ZNF652: variants seen among roughly 807,000 people sequenced by gnomAD.
ZNF652 encodes the protein zinc finger protein 652.
In ZNF652, 16 loss-of-function variants were observed where a neutral mutation model predicts 45.2. The ratio of observed to expected loss-of-function variants is 0.35; its 90% confidence interval spans 0.24 to 0.54. The LOEUF is 0.54. ZNF652 is among the 20% of genes least tolerant of loss of function. The pLI, the probability that ZNF652 is intolerant of heterozygous loss-of-function variation, is 0.91. For synonymous variants in ZNF652, 250 were observed against 260.6 expected, an observed-to-expected ratio of 0.96 and a Z score of 0.39; for missense variants, 614 against 765.6, an observed-to-expected ratio of 0.80 and a Z score of 2.34.
Position 49,294,386 on chromosome 17 carries a change from G to A in ZNF652, c.*4027C>T, listed in dbSNP as rs1474688599. Among the ~76,000 whole-genome samples, 4 of 152,150 alleles carry A rather than the reference G, an allele frequency of 2.6e-5. No individual in the cohort carries two copies. The highest frequency in any genetic ancestry group is 5.9e-5 in the Non-Finnish European group (4 of 68,026). On this transcript the variant is annotated 3_prime_UTR_variant, in exon 6 of 6. Coordinates refer to ENST00000430262, the MANE Select transcript of ZNF652 (RefSeq NM_001145365.3). ...TAAATGGTAGACTATGAAAGTACAG[G>A]TAACTGATTTGCACAGTCTTCTTTG...
intron 1 of ZNF652, among the ~76,000 whole-genome samples, chr17:49,341,231 GAAGAA>G (rs377670931): frequency 7.3e-5 from 11 of 150,922 alleles, no homozygotes; most frequent in African/African-American, 2.4e-4. Flanking sequence ...GAAAAGAAAA[GAAGAA>G]AAGAAAAGAA....
intron 1 of ZNF652, among the ~76,000 whole-genome samples, chr17:49,360,721 C>G (rs533429178): frequency 6.6e-6 from 1 of 152,092 alleles, no homozygotes; most frequent in Admixed American, 6.5e-5. Context: ...TTGCCATTCC[C>G]AGAACAATAC....
chr17:49,325,970 T>G (rs371815900), intron 1 of ZNF652, among the ~76,000 whole-genome samples: 75 of 152,264 alleles, frequency 4.9e-4, no homozygotes, highest in African/African-American at 1.6e-3. Flanking sequence ...TCAACTCTAT[T>G]TTTCCCATAA....
At chr17:49,342,545 A>G (rs1293551186) in intron 1 of ZNF652, among the ~76,000 whole-genome samples, 1 of 44,470 alleles carries the variant, frequency 2.2e-5, no homozygotes, top group East Asian at 7.1e-4. Context: ...AATGCCAGAT[A>G]ACAGATAAAG....
intron 5 of ZNF652, among the ~76,000 whole-genome samples, chr17:49,304,300 T>G (rs939834565): frequency 6.6e-6 from 1 of 151,734 alleles, no homozygotes; most frequent in African/African-American, 2.4e-5. Context: ...TTAAAATTGG[T>G]TTTTTTTACT....
intron 1 of ZNF652, among the ~76,000 whole-genome samples, chr17:49,328,451 A>C (rs2069989917): frequency 6.6e-6 from 1 of 152,144 alleles, no homozygotes; most frequent in Non-Finnish European, 1.5e-5. Context: ...TTCATGTTGA[A>C]ATGTAATCCT....
chr17:49,292,602 C>T lies in ZNF652; in HGVS notation c.*5811G>A, dbSNP rs543024475. ...GGAACAGGGCAGAGCAACAGCAGCA[C>T]TCAGGATCCTTTCATCAGAAAGGGG... On this transcript the variant is annotated 3_prime_UTR_variant, in exon 6 of 6. Transcript: ENST00000430262. 6.6e-6 allele frequency among the ~76,000 whole-genome samples: 1 copy of T among 152,192 alleles called. No homozygotes were observed. The highest frequency in any genetic ancestry group is 2.4e-5 in the African/African-American group (1 of 41,526).
Position 49,298,207 on chromosome 17 carries a change from T to G in ZNF652, c.*206A>C, listed in dbSNP as rs1034449772. ...AGCAAATTGGGCTTTAGTTCAGTGG[T>G]TCCCCTGGTTTAGATGACAGTCCCT... is the stretch of plus-strand genomic sequence containing the variant. On this transcript the variant is annotated 3_prime_UTR_variant, in exon 6 of 6. Transcript: ENST00000430262. The G allele has an allele frequency of 8.1e-6, 5 of 619,980 alleles. No individual in the cohort carries two copies. Among genetic ancestry groups the G allele is most frequent in the Non-Finnish European group, 1.3e-5 (5 of 374,896 alleles). 38.4% of individuals were successfully genotyped at this position (619,980 alleles called of 1,614,324 possible).
At chr17:49,345,852 A>C (rs866269420) in intron 1 of ZNF652, among the ~76,000 whole-genome samples, 2 of 152,088 alleles carry the variant, frequency 1.3e-5, no homozygotes, top group Middle Eastern at 3.4e-3. Flanking sequence ...AAAAAAAAAA[A>C]AAAGAAATGA....
At position 49,295,191 on chromosome 17, in the gene ZNF652, C is replaced by A. The variant is rs985264999; in HGVS notation, c.*3222G>T. ...CGCAATCTCGGCTCACTGCAAGCTC[C>A]GCCTCCTGGGTTCAATGTTGTGAAT... is the stretch of plus-strand genomic sequence containing the variant. On this transcript the variant is annotated 3_prime_UTR_variant, in exon 6 of 6. Coordinates refer to ENST00000430262, the MANE Select transcript of ZNF652 (RefSeq NM_001145365.3). 2 of 151,182 alleles carry A rather than the reference C, an allele frequency of 1.3e-5. No individual in the cohort carries two copies. Among genetic ancestry groups the A allele is most frequent in the African/African-American group, 4.9e-5 (2 of 41,198 alleles). The allele number at this position is 151,182 out of a possible 1,614,324, so 9.4% of individuals were successfully genotyped here.
At position 49,333,702 on chromosome 17, in the gene ZNF652, A is replaced by G. The variant is rs2070050277; in HGVS notation, c.-258-15719T>C. The stretch of plus-strand genomic sequence containing the variant: ...GCCACTGCACTCCAGCCTGGGCGAC[A>G]GAGTGAGACTCTGTCTCAAGAAAAA... On this transcript the variant is annotated intron_variant, in intron 1 of 5. Transcript: ENST00000430262. Among the ~76,000 whole-genome samples the G allele has an allele frequency of 2.8e-5, 4 of 142,162 alleles. No individual in the cohort carries two copies. The South Asian group carries it at 7.1e-4, about 25-fold the overall frequency. 93.3% of individuals were successfully genotyped at this position (142,162 alleles called of 152,430 possible).
intron 1 of ZNF652, among the ~76,000 whole-genome samples, chr17:49,336,775 TG>T (rs772120817): frequency 6.6e-6 from 1 of 151,740 alleles, no homozygotes; most frequent in Non-Finnish European, 1.5e-5. Context: ...TACAGGCGCA[TG>T]CTACCACACC....
At position 49,317,590 on chromosome 17, in the gene ZNF652, G is replaced by A. The variant is rs766557800; in HGVS notation, c.136C>T (p.Leu46=). 6 of 1,614,068 alleles carry A rather than the reference G, an allele frequency of 3.7e-6. No individual in the cohort carries two copies. Among genetic ancestry groups the A allele is most frequent in the South Asian group, 3.3e-5 (3 of 91,086 alleles). Reference sequence around the variant, plus strand: ...TCCCTTTTGTACACTTTGGTGGACAGGTCAAGTTCTTGGTTGGCACCATGA... The same window carrying A: ...TCCCTTTTGTACACTTTGGTGGACAAGTCAAGTTCTTGGTTGGCACCATGA... ...FYHGANQELD[L]STKVYKRESG... The change falls in exon 2 of 6, where the codon CTG becomes TTG. Residue 46 remains leucine, a synonymous_variant. Coordinates refer to ENST00000430262, the MANE Select transcript of ZNF652 (RefSeq NM_001145365.3).
chr17:49,310,484 T>G (rs1389794999), intron 5 of ZNF652, among the ~76,000 whole-genome samples: 1 of 152,200 alleles, frequency 6.6e-6, no homozygotes, highest in Non-Finnish European at 1.5e-5. Context: ...AAAACTCAAA[T>G]CCATGCTATG....
At position 49,349,080 on chromosome 17, in the gene ZNF652, T is replaced by C. The variant is rs117378062; in HGVS notation, c.-259+12829A>G. 5.6e-4 allele frequency among the ~76,000 whole-genome samples: 86 copies of C among 152,324 alleles called. 1 individual carries two copies. The highest frequency in any genetic ancestry group is 1.2e-3 in the Non-Finnish European group (82 of 68,030). On this transcript the variant is annotated intron_variant, in intron 1 of 5. Transcript: ENST00000430262. Reference sequence around the variant, plus strand: ...TTTTTAAAAATCCATATCTACTTCATATTGCCAATTCCGTCCTCCTCTGCC... The same window carrying C: ...TTTTTAAAAATCCATATCTACTTCACATTGCCAATTCCGTCCTCCTCTGCC...
At chr17:49,327,379 T>G (rs1019595100) in intron 1 of ZNF652, among the ~76,000 whole-genome samples, 1 of 151,892 alleles carries the variant, frequency 6.6e-6, no homozygotes, top group Non-Finnish European at 1.5e-5. Context: ...GCCAGGCTGG[T>G]CTCGAACTCC....
chr17:49,292,439 C>G lies in ZNF652; in HGVS notation c.*5974G>C, dbSNP rs2069415923. ...ACATTTTAAACAAATTAGATGAAAA[C>G]AGCTAGAAAAAGTAAACAGAAGTTT... is the stretch of plus-strand genomic sequence containing the variant. On this transcript the variant is annotated 3_prime_UTR_variant, in exon 6 of 6. Transcript: ENST00000430262. Among the ~76,000 whole-genome samples the G allele has an allele frequency of 6.6e-6, 1 of 152,100 alleles. No homozygotes were observed. The highest frequency in any genetic ancestry group is 2.1e-4 in the South Asian group (1 of 4,830).
chr17:49,316,150 T>C (rs1235322830), intron 2 of ZNF652, among the ~76,000 whole-genome samples: 1 of 152,254 alleles, frequency 6.6e-6, no homozygotes, highest in Non-Finnish European at 1.5e-5. Context: ...TATCACAATA[T>C]AGTCCTTTCA....
chr17:49,352,680 T>C (rs73987287), intron 1 of ZNF652, among the ~76,000 whole-genome samples: 6,494 of 152,280 alleles, frequency 0.043, 327 homozygotes, highest in African/African-American at 0.11. Flanking sequence ...AAACCTGCCA[T>C]GAACATTTAC....
Sources: gnomAD v4.1 joint callset for allele counts (sites outside exome capture counted in the v4.1 genomes callset) on GRCh38, gnomAD v4.1.1 for gene constraint, MANE v1.5 for transcripts, NCBI Gene and HGNC (gene_info 2026-07-23, HGNC 2026-07-21) for gene names.